The following RAD51AP2 variants were observed in gnomAD, a reference collection of about 807,000 sequenced individuals.
RAD51AP2 encodes RAD51-associated protein 2.
Under a neutral mutation model 85.5 loss-of-function variants are expected in RAD51AP2, and 67 were observed. The observed-to-expected ratio is 0.78, with a 90% confidence interval of 0.64 to 0.96. The LOEUF (loss-of-function observed/expected upper bound fraction) is 0.96, where lower values mean the gene tolerates loss of function less well. Ranked by LOEUF, RAD51AP2 falls within the 40% of genes least tolerant of loss-of-function variation. The pLI is 0.00. For missense variants in RAD51AP2, 1,307 were observed against 1,332.4 expected, an observed-to-expected ratio of 0.98 and a Z score of 0.30; for synonymous variants, 474 against 446.5, an observed-to-expected ratio of 1.06 and a Z score of -0.78.
the RAD51AP2 span, among the ~76,000 whole-genome samples, chr2:17,526,292 T>A: frequency 6.6e-6 from 1 of 151,986 alleles, no homozygotes. Flanking sequence ...ACAGAATATG[T>A]GCTCATCACT....
At chr2:17,521,030 T>C (rs1390188391), upstream of RAD51AP2, among the ~76,000 whole-genome samples, 3 of 152,092 alleles carry the variant, frequency 2.0e-5, no homozygotes, top group South Asian at 6.2e-4. Context: ...CTTTATTGTA[T>C]TGAGTTGTTT....
At chr2:17,514,940 G>A (rs1263299600) in intron 1 of RAD51AP2, among the ~76,000 whole-genome samples, 2 of 148,150 alleles carry the variant, frequency 1.3e-5, no homozygotes, top group African/African-American at 2.5e-5. Flanking sequence ...TGTTTCCAAG[G>A]AGTAACTGCA....
chr2:17,515,716 A>G lies in RAD51AP2; in HGVS notation c.2700T>C (p.Asn900=), dbSNP rs375594927. The G allele has an allele frequency of 2.1e-5, 33 of 1,599,300 alleles. No homozygotes were observed. The highest frequency in any genetic ancestry group is 2.6e-5 in the Non-Finnish European group (30 of 1,173,028). The change falls in exon 1 of 3, where the codon AAT becomes AAC. Residue 900 remains asparagine (N), a synonymous_variant. Coordinates refer to ENST00000399080, the MANE Select transcript of RAD51AP2 (RefSeq NM_001099218.3). ...TTTCTGGCAAAATACTCTCATATTC[A>G]TTTGTATTTGTTACATAATTTTGAT... ...YVNQNYVTNT[N]EYESILPERE... is the part of the protein sequence containing the mutation.
the RAD51AP2 span, among the ~76,000 whole-genome samples, chr2:17,533,692 T>C: frequency 5.9e-5 from 9 of 152,190 alleles, no homozygotes; most frequent in Non-Finnish European, 1.2e-4. Flanking sequence ...AGCAGGAGGA[T>C]TGCTTGAGGC....
Position 17,515,847 on chromosome 2 carries a change from CTA to C in RAD51AP2, c.2567_2568del (p.Ile856ArgfsTer7), listed in dbSNP as rs1398460127. ...NSCQVHKDTK[I>X]EKEEKDSFFP... ...AAAAAACTATCTTTCTCTTCCTTTT[CTA>C]TCTTAGTATCTTTGTGAACTTGGCA... On this transcript the variant is annotated frameshift_variant, in exon 1 of 3. Transcript: ENST00000399080. LOFTEE classifies it high-confidence loss of function. 1 of 1,610,044 alleles carries C rather than the reference CTA, an allele frequency of 6.2e-7. No homozygotes were observed. Among genetic ancestry groups the C allele is most frequent in the East Asian group, 2.2e-5 (1 of 44,802 alleles).
At chr2:17,523,942 T>C in the RAD51AP2 span, among the ~76,000 whole-genome samples, 977 of 152,034 alleles carry the variant, frequency 6.4e-3, 6 homozygotes, top group Middle Eastern at 0.01. Flanking sequence ...CATGTGATGA[T>C]TTAACTCTCC....
rs1162199382 is a variant in RAD51AP2 at position 17,517,896 on chromosome 2, T to A, written c.520A>T (p.Asn174Tyr). The change falls in exon 1 of 3, where the codon AAT (asparagine) becomes TAT (tyrosine). Residue 174 changes from asparagine to tyrosine, a missense_variant. By Grantham distance (143) the Asn-to-Tyr change is moderately radical. This residue lies in a region of RAD51AP2 where 635 missense variants were observed against 643.6 expected (regional missense o/e 0.99). Transcript: ENST00000399080. The part of the protein sequence containing the change: ...IHDIHGIRNE[N>Y]RKQQFVQGRD... ...CCTTGGACAAACTGTTGTTTTCGAT[T>A]CTCATTTCTAATTCCATGTATATCG... is the stretch of plus-strand genomic sequence containing the variant. The A allele has an allele frequency of 6.2e-7, 1 of 1,614,196 alleles. No individual in the cohort carries two copies. Among genetic ancestry groups the A allele is most frequent in the East Asian group, 2.2e-5 (1 of 44,886 alleles).
Position 17,517,699 on chromosome 2 carries a change from G to A in RAD51AP2, c.717C>T (p.Asn239=), listed in dbSNP as rs1346414184. 2 of 1,613,046 alleles carry A rather than the reference G, an allele frequency of 1.2e-6. No individual in the cohort carries two copies. Among genetic ancestry groups the A allele is most frequent in the East Asian group, 4.5e-5 (2 of 44,862 alleles). Reference sequence around the variant, plus strand: ...GTTTGGCAATTTCCAAGCTGGGCTGGTTTTGAGATTTTGATATTTTTAGTA... The same window carrying A: ...GTTTGGCAATTTCCAAGCTGGGCTGATTTTGAGATTTTGATATTTTTAGTA... ...SSVLKISKSQ[N]QPSLEIAKPS... is the part of the protein sequence containing the mutation. Residue 239 remains asparagine, a synonymous_variant, in exon 1 of 3, where the codon AAC becomes AAT. Coordinates refer to ENST00000399080, the MANE Select transcript of RAD51AP2 (RefSeq NM_001099218.3).
At chr2:17,534,219 C>T in the RAD51AP2 span, among the ~76,000 whole-genome samples, 1 of 151,794 alleles carries the variant, frequency 6.6e-6, no homozygotes, top group Admixed American at 6.6e-5. Context: ...AGTGGAATAC[C>T]CAATACTCTT....
At chr2:17,515,074 C>A in intron 1 of RAD51AP2, 95 bp downstream of exon 1, 1 of 982,784 alleles carries the variant, frequency 1.0e-6, no homozygotes, top group East Asian at 2.6e-5. Context: ...TCTCTACCTT[C>A]CTTCTTTGTT....
At chr2:17,518,516 G>A, upstream of RAD51AP2, 2 of 1,441,186 alleles carry the variant, frequency 1.4e-6, no homozygotes, top group Non-Finnish European at 9.3e-7. Flanking sequence ...CGCCCCTCAA[G>A]ACCTGGCCTT....
chr2:17,515,611 C>T lies in RAD51AP2; in HGVS notation c.2805G>A (p.Leu935=). 6.2e-7 allele frequency: 1 copy of T among 1,611,734 alleles called. No homozygotes were observed. Among genetic ancestry groups the T allele is most frequent in the Non-Finnish European group, 8.5e-7 (1 of 1,179,048 alleles). The change falls in exon 1 of 3, where the codon CTG becomes CTA. Residue 935 remains leucine (L), a synonymous_variant. Transcript: ENST00000399080. ...LYINHQFETG[L]SEGNDECFQD... is the part of the protein sequence containing the mutation. ...GAAAACATTCATCATTCCCTTCACT[C>T]AGACCAGTTTCAAATTGATGATTAA...
chr2:17,526,698 T>C, the RAD51AP2 span, among the ~76,000 whole-genome samples: 2 of 151,996 alleles, frequency 1.3e-5, no homozygotes. Context: ...GATTGAGAAA[T>C]AGAAGACAAG....
chr2:17,515,048 A>G, intron 1 of RAD51AP2, 121 bp downstream of exon 1: 1 of 766,594 alleles, frequency 1.3e-6, no homozygotes, highest in Non-Finnish European at 2.0e-6. Flanking sequence ...ATCAATAAAC[A>G]TTGTCTTGCA....
rs1180735860 is a variant in RAD51AP2 at position 17,515,247 on chromosome 2, C to CAGGAA, written c.3168_3169insTTCCT (p.Gly1057PhefsTer53). On this transcript the variant is annotated frameshift_variant, in exon 1 of 3. Transcript: ENST00000399080. LOFTEE classifies it high-confidence loss of function. ...CTCTCATTAGGAACTTCCTGTTCTC[C>CAGGAA]ATTATTGGGTACAGTTTTCCATTTA... 6.2e-7 allele frequency: 1 copy of CAGGAA among 1,612,558 alleles called. No homozygotes were observed. The highest frequency in any genetic ancestry group is 8.5e-7 in the Non-Finnish European group (1 of 1,179,104).
At position 17,516,924 on chromosome 2, in the gene RAD51AP2, T is replaced by C; in HGVS notation, c.1492A>G (p.Lys498Glu). The change falls in exon 1 of 3, where the codon AAA becomes GAA. Residue 498 changes from lysine to glutamate, a missense_variant. Transcript: ENST00000399080. The stretch of plus-strand genomic sequence containing the variant: ...AAAGGGTTGTTCACATGAAAGACTT[T>C]TTGTGTAGTATTGTATCTCAACTGT... Reference protein sequence around the residue: ...TLQLRYNTTQKVFHVNNPFES... With the variant: ...TLQLRYNTTQEVFHVNNPFES... 6.3e-7 allele frequency: 1 copy of C among 1,596,978 alleles called. No homozygotes were observed. The highest frequency in any genetic ancestry group is 8.5e-7 in the Non-Finnish European group (1 of 1,173,828).
At chr2:17,521,945 A>G (rs1445108601), upstream of RAD51AP2, among the ~76,000 whole-genome samples, 1 of 151,966 alleles carries the variant, frequency 6.6e-6, no homozygotes, top group East Asian at 1.9e-4. Flanking sequence ...TACATCAAAT[A>G]TGACCCTGAA....
In RAD51AP2 at chr2:17,513,405, T is replaced by G. The variant is rs561772649; in HGVS notation, c.3328+607A>C. On this transcript the variant is annotated intron_variant, in intron 2 of 2. Transcript: ENST00000399080. ...GGTGCCCACCACCATGCCTGGCTAA[T>G]TTTTATTATTTTTAGTAGAAATGGG... is the stretch of plus-strand genomic sequence containing the variant. Among the ~76,000 whole-genome samples, 335 of 152,098 alleles carry G rather than the reference T, an allele frequency of 2.2e-3. 1 individual carries two copies. Among genetic ancestry groups the G allele is most frequent in the Middle Eastern group, 3.4e-3 (1 of 294 alleles).
At chr2:17,528,043 C>G in the RAD51AP2 span, among the ~76,000 whole-genome samples, 1 of 152,144 alleles carries the variant, frequency 6.6e-6, no homozygotes, top group Non-Finnish European at 1.5e-5. Flanking sequence ...TATATACTAT[C>G]AGATGATACC....
Sources: allele counts gnomAD v4.1 joint callset (sites outside exome capture counted in the v4.1 genomes callset), GRCh38; gene constraint gnomAD v4.1.1; regional missense constraint gnomAD v4.1.1; transcripts MANE v1.5; gene names NCBI Gene and HGNC (gene_info 2026-07-23, HGNC 2026-07-21).